The following CDH12 variants were observed in gnomAD, a reference collection of about 807,000 sequenced individuals.
The protein encoded by CDH12 is cadherin-12.
Under a neutral mutation model 74.1 loss-of-function variants are expected in CDH12, and 41 were observed. The observed-to-expected ratio is 0.55, with a 90% CI of 0.43 to 0.72. The LOEUF (loss-of-function observed/expected upper bound fraction) is 0.72. CDH12 is among the 30% of genes least tolerant of loss of function. CDH12 has a pLI of 0.00. For synonymous variants in CDH12, 399 were observed against 355.0 expected (o/e 1.12, Z -1.39); for missense variants, 945 against 977.2 (o/e 0.97, Z 0.44).
At chr5:22,369,224 G>A (rs1040633298) in intron 3 of CDH12, among the ~76,000 whole-genome samples, 2 of 151,962 alleles carry the variant, frequency 1.3e-5, no homozygotes, top group Non-Finnish European at 2.9e-5. Context: ...AATGTTTAAA[G>A]GCAAAACAAT....
At chr5:22,845,165 GT>G (rs1737246589) in intron 1 of CDH12, among the ~76,000 whole-genome samples, 1 of 152,130 alleles carries the variant, frequency 6.6e-6, no homozygotes. Context: ...GCAAAAACTT[GT>G]TTTTTGTAGA....
At chr5:22,432,147 G>T (rs541339807) in intron 2 of CDH12, among the ~76,000 whole-genome samples, 42 of 152,070 alleles carry the variant, frequency 2.8e-4, no homozygotes, top group African/African-American at 8.7e-4. Context: ...ATTTTATATT[G>T]TATTTTTACT....
chr5:21,801,941 T>A (rs1422486731), intron 10 of CDH12, among the ~76,000 whole-genome samples: 1 of 152,176 alleles, frequency 6.6e-6, no homozygotes, highest in Non-Finnish European at 1.5e-5. Flanking sequence ...AGACCTCTAT[T>A]GGTTATAACA....
chr5:22,471,892 A>G, intron 2 of CDH12, among the ~76,000 whole-genome samples: 1 of 152,222 alleles, frequency 6.6e-6, no homozygotes, highest in Admixed American at 6.5e-5. Context: ...CTTTTGTTAA[A>G]ATGCTAAGGA....
intron 3 of CDH12, among the ~76,000 whole-genome samples, chr5:22,223,489 A>C (rs1752087497): frequency 6.6e-6 from 1 of 152,074 alleles, no homozygotes; most frequent in Admixed American, 6.6e-5. Context: ...TGCACCATTA[A>C]GTCAGTGACC....
intron 6 of CDH12, among the ~76,000 whole-genome samples, chr5:21,914,314 A>G (rs1339054016): frequency 6.6e-6 from 1 of 152,208 alleles, no homozygotes; most frequent in African/African-American, 2.4e-5. Context: ...GTGAAAGTCA[A>G]GAGAGTGACA....
intron 4 of CDH12, among the ~76,000 whole-genome samples, chr5:22,080,482 T>G (rs1580217553): frequency 6.6e-6 from 1 of 152,152 alleles, no homozygotes; most frequent in Non-Finnish European, 1.5e-5. Flanking sequence ...TGTTAGATAT[T>G]GACAAAACCG....
intron 2 of CDH12, among the ~76,000 whole-genome samples, chr5:22,492,504 T>A (rs1489514031): frequency 6.6e-6 from 1 of 151,642 alleles, no homozygotes; most frequent in African/African-American, 2.4e-5. Context: ...TACACCAACA[T>A]CCCCAGCTAA....
At chr5:22,360,861 C>G (rs1319919021) in intron 3 of CDH12, among the ~76,000 whole-genome samples, 1 of 152,070 alleles carries the variant, frequency 6.6e-6, no homozygotes, top group Non-Finnish European at 1.5e-5. Flanking sequence ...GCAGAAAAGG[C>G]CTTTGACAAA....
At chr5:21,917,586 A>C (rs1048165426) in intron 6 of CDH12, among the ~76,000 whole-genome samples, 1 of 152,192 alleles carries the variant, frequency 6.6e-6, no homozygotes, top group African/African-American at 2.4e-5. Flanking sequence ...CATCGAGTCT[A>C]GTGTATCTTT....
chr5:22,567,139 C>T (rs1450219631), intron 1 of CDH12, among the ~76,000 whole-genome samples: 1 of 152,158 alleles, frequency 6.6e-6, no homozygotes, highest in Non-Finnish European at 1.5e-5. Flanking sequence ...GAATAGTCAT[C>T]TTCAAGCTAC....
At chr5:22,598,509 T>A (rs1399119146) in intron 1 of CDH12, among the ~76,000 whole-genome samples, 1 of 152,182 alleles carries the variant, frequency 6.6e-6, no homozygotes, top group African/African-American at 2.4e-5. Context: ...CCCAGACATC[T>A]GGATCTGTGA....
At chr5:22,292,173 ATC>A (rs2150413845) in intron 3 of CDH12, among the ~76,000 whole-genome samples, 1 of 152,232 alleles carries the variant, frequency 6.6e-6, no homozygotes, top group South Asian at 2.1e-4. Context: ...TTAAACCCTT[ATC>A]TCATACTGTA....
At chr5:21,971,881 A>C (rs4028697) in intron 6 of CDH12, among the ~76,000 whole-genome samples, 1 of 152,312 alleles carries the variant, frequency 6.6e-6, no homozygotes, top group Admixed American at 6.5e-5. Context: ...ATTAGATGTA[A>C]CAGAAGTCAG....
At chr5:22,116,365 T>C (rs1745099426) in intron 4 of CDH12, among the ~76,000 whole-genome samples, 1 of 151,980 alleles carries the variant, frequency 6.6e-6, no homozygotes. Context: ...AAGAAAAGAA[T>C]CTGGCCGAGA....
At chr5:21,860,212 AT>A (rs764747647) in intron 6 of CDH12, among the ~76,000 whole-genome samples, 1 of 152,024 alleles carries the variant, frequency 6.6e-6, no homozygotes, top group Non-Finnish European at 1.5e-5. Flanking sequence ...ACTAAGAAAA[AT>A]ATCTTCATTT....
chr5:21,952,251 T>G (rs1755897464), intron 6 of CDH12, among the ~76,000 whole-genome samples: 1 of 152,062 alleles, frequency 6.6e-6, no homozygotes, highest in African/African-American at 2.4e-5. Context: ...AATTTTGCAT[T>G]GGAGTATACT....
intron 3 of CDH12, among the ~76,000 whole-genome samples, chr5:22,341,234 T>C (rs7732331): frequency 0.069 from 10,485 of 152,228 alleles, 493 homozygotes; most frequent in South Asian, 0.16. Flanking sequence ...CAGTACCTCA[T>C]AACTGCTGTA....
intron 1 of CDH12, among the ~76,000 whole-genome samples, chr5:22,651,136 C>T (rs1025892462): frequency 6.6e-4 from 101 of 152,148 alleles, no homozygotes; most frequent in African/African-American, 2.3e-3. Flanking sequence ...TTTAAAGTCA[C>T]AGCCAGCTTG....
Sources: allele counts gnomAD v4.1 joint callset (sites outside exome capture counted in the v4.1 genomes callset), GRCh38; gene constraint gnomAD v4.1.1; transcripts MANE v1.5; gene names NCBI Gene and HGNC (gene_info 2026-07-23, HGNC 2026-07-21).